BIRC5: variants seen among roughly 807,000 people sequenced by gnomAD.
The protein encoded by BIRC5 is baculoviral IAP repeat-containing protein 5.
BIRC5 carries 8 observed loss-of-function variants against 15.8 expected under a neutral mutation model. The observed-to-expected ratio is 0.51, with a 90% CI of 0.30 to 0.91. The LOEUF is 0.91. Ranked by LOEUF, BIRC5 falls within the 40% of genes least tolerant of loss-of-function variation. The pLI is 0.07. For missense variants in BIRC5, 163 were observed against 178.6 expected (o/e 0.91, Z 0.50); for synonymous variants, 56 against 64.5 (o/e 0.87, Z 0.63).
intron 3 of BIRC5, among the ~76,000 whole-genome samples, chr17:78,220,854 G>A (rs1225437235): frequency 6.6e-6 from 1 of 152,116 alleles, no homozygotes; most frequent in Non-Finnish European, 1.5e-5. Flanking sequence ...CCAAGTAGCT[G>A]GGACCACAGG....
chr17:78,222,905 G>A (rs958936457), intron 3 of BIRC5: 24 of 1,535,384 alleles, frequency 1.6e-5, no homozygotes, highest in East Asian at 4.9e-5. Flanking sequence ...ATTTCTGTTC[G>A]AGGAAGAGCC....
chr17:78,219,777 C>A (rs2145897985), intron 3 of BIRC5, among the ~76,000 whole-genome samples: 1 of 152,236 alleles, frequency 6.6e-6, no homozygotes, highest in Non-Finnish European at 1.5e-5. Context: ...CATTCTTAGC[C>A]CGTGGGCTGG....
chr17:78,215,978 G>A (rs752796895), intron 2 of BIRC5: 9 of 1,064,252 alleles, frequency 8.5e-6, no homozygotes, highest in East Asian at 7.8e-5. Flanking sequence ...GGCCGGGCAC[G>A]GTGGCTTACG....
At position 78,214,721 on chromosome 17, in the gene BIRC5, G is replaced by A; in HGVS notation, c.153G>A (p.Glu51=). 6.2e-7 allele frequency: 1 copy of A among 1,611,904 alleles called. No individual in the cohort carries two copies. The highest frequency in any genetic ancestry group is 8.5e-7 in the Non-Finnish European group (1 of 1,179,208). ...TCATCCACTGCCCCACTGAGAACGA[G>A]CCAGACTTGGCCCAGTGTTTCTTCT... is the stretch of plus-strand genomic sequence containing the variant. ...AGFIHCPTEN[E]PDLAQCFFCF... Residue 51 remains glutamate, a synonymous_variant, in exon 2 of 4, where the codon GAG becomes GAA. Transcript: ENST00000350051.
rs1258225767 is a variant in BIRC5, at chr17:78,225,014, C to T, written c.*1460C>T. On this transcript the variant is annotated 3_prime_UTR_variant, in exon 4 of 4. Coordinates refer to ENST00000350051, the MANE Select transcript of BIRC5 (RefSeq NM_001168.3). Reference sequence around the variant, plus strand: ...GTTTTTGTTAGCAGAAAATGCACTCCAGCCTCTGTACTCATCTAAGCTGCT... The same window carrying T: ...GTTTTTGTTAGCAGAAAATGCACTCTAGCCTCTGTACTCATCTAAGCTGCT... The T allele has an allele frequency of 1.3e-5, 2 of 152,238 alleles. No individual in the cohort carries two copies. The highest frequency in any genetic ancestry group is 2.4e-5 in the African/African-American group (1 of 41,454). 9.4% of individuals were successfully genotyped at this position (152,238 alleles called of 1,614,324 possible).
chr17:78,218,898 C>T (rs939085747), intron 3 of BIRC5, among the ~76,000 whole-genome samples: 2 of 152,082 alleles, frequency 1.3e-5, no homozygotes, highest in African/African-American at 2.4e-5. Flanking sequence ...TGATCTACTG[C>T]ACCAGGCCTG....
At chr17:78,216,820 A>G (rs748183625) in intron 3 of BIRC5, 39 bp downstream of exon 3, 3 of 1,509,100 alleles carry the variant, frequency 2.0e-6, no homozygotes, top group African/African-American at 1.4e-5. Flanking sequence ...ACCCTGTTCA[A>G]TGTCTTTAGC....
intron 2 of BIRC5, among the ~76,000 whole-genome samples, chr17:78,215,456 A>G (rs2076471383): frequency 6.6e-6 from 1 of 152,016 alleles, no homozygotes; most frequent in Admixed American, 6.6e-5. Context: ...AAGAAAGCAT[A>G]TACTTCAGTG....
chr17:78,216,643 CTGT>C lies in BIRC5; in HGVS notation c.222-16_222-14del, dbSNP rs1567863721. 1 of 1,609,724 alleles carries C rather than the reference CTGT, an allele frequency of 6.2e-7. No individual in the cohort carries two copies. On this transcript the variant is annotated intron_variant, in intron 2 of 3. Coordinates refer to ENST00000350051, the MANE Select transcript of BIRC5 (RefSeq NM_001168.3). ...TTTAATCCCTTCAGCTGCCTTTCCG[CTGT>C]TGTTTTGATTTTTCTAGAGAGGAAC...
rs184246570 is a variant in BIRC5 at position 78,219,646 on chromosome 17, G to A, written c.339+2865G>A. On this transcript the variant is annotated intron_variant, in intron 3 of 3. Transcript: ENST00000350051. ...TGGGCTGGGGATCATCTTTTTCCAG[G>A]TCAGGGGTCAGCCAGCTTTTCTGCA... Among the ~76,000 whole-genome samples, 611 of 152,316 alleles carry A rather than the reference G, an allele frequency of 4.0e-3. 2 individuals carry two copies. The highest frequency in any genetic ancestry group is 6.8e-3 in the Non-Finnish European group (462 of 68,026).
chr17:78,214,656 C>A lies in BIRC5; in HGVS notation c.112-24C>A, dbSNP rs765848428. The A allele has an allele frequency of 3.8e-6, 6 of 1,566,674 alleles. No individual in the cohort carries two copies. In the East Asian group the frequency reaches 1.4e-4, roughly 37 times the overall value. On this transcript the variant is annotated intron_variant, in intron 1 of 3. Coordinates refer to ENST00000350051, the MANE Select transcript of BIRC5 (RefSeq NM_001168.3). The stretch of plus-strand genomic sequence containing the variant: ...GGGGTTCCGGGCTGCCACGTCCACT[C>A]ACGAGCTGTGCTGTCCCTTGCAGAT...
intron 2 of BIRC5, among the ~76,000 whole-genome samples, chr17:78,215,792 A>C (rs1243636500): frequency 6.6e-6 from 1 of 152,228 alleles, no homozygotes; most frequent in African/African-American, 2.4e-5. Context: ...TAGAGTTACA[A>C]CTGGCTGTCT....
At position 78,214,707 on chromosome 17, in the gene BIRC5, C is replaced by G; in HGVS notation, c.139C>G (p.Pro47Ala). The G allele has an allele frequency of 1.2e-6, 2 of 1,610,222 alleles. No individual in the cohort carries two copies. Among genetic ancestry groups the G allele is most frequent in the Non-Finnish European group, 1.7e-6 (2 of 1,178,592 alleles). Residue 47 changes from proline to alanine, a missense_variant, in exon 2 of 4, where the codon CCC becomes GCC. Physicochemically the swap from Pro to Ala is conservative, Grantham distance 27. Transcript: ENST00000350051. ...GGCCGAGGCTGGCTTCATCCACTGC[C>G]CCACTGAGAACGAGCCAGACTTGGC... ...RMAEAGFIHC[P>A]TENEPDLAQC...
Position 78,217,227 on chromosome 17 carries a change from G to A in BIRC5, c.339+446G>A, listed in dbSNP as rs533474169. Among the ~76,000 whole-genome samples the A allele has an allele frequency of 1.4e-4, 21 of 151,112 alleles. No individual in the cohort carries two copies. The East Asian group carries it at 3.5e-3, about 25-fold the overall frequency. On this transcript the variant is annotated intron_variant, in intron 3 of 3. Coordinates refer to ENST00000350051, the MANE Select transcript of BIRC5 (RefSeq NM_001168.3). ...GTTTCACTCTGTTACCCAGGCTGGA[G>A]TGGGGTGGCCTGATCTCGGATCACT... is the stretch of plus-strand genomic sequence containing the variant.
chr17:78,214,663 T>G lies in BIRC5; in HGVS notation c.112-17T>G. The G allele has an allele frequency of 6.3e-7, 1 of 1,578,470 alleles. No homozygotes were observed. The highest frequency in any genetic ancestry group is 8.6e-7 in the Non-Finnish European group (1 of 1,161,004). On this transcript the variant is annotated splice_polypyrimidine_tract_variant and intron_variant, in intron 1 of 3. Coordinates refer to ENST00000350051, the MANE Select transcript of BIRC5 (RefSeq NM_001168.3). ...CGGGCTGCCACGTCCACTCACGAGC[T>G]GTGCTGTCCCTTGCAGATGGCCGAG...
chr17:78,220,981 T>C (rs1344621121), intron 3 of BIRC5, among the ~76,000 whole-genome samples: 2 of 152,188 alleles, frequency 1.3e-5, no homozygotes, highest in Non-Finnish European at 2.9e-5. Flanking sequence ...CTTGCCAGGG[T>C]GCCAGGAGGG....
At chr17:78,222,844 C>T in intron 3 of BIRC5, 1 of 1,535,884 alleles carries the variant, frequency 6.5e-7, no homozygotes, top group Non-Finnish European at 8.7e-7. Context: ...GCTCTGTTAG[C>T]AGAATGAAAA....
At chr17:78,218,704 G>A (rs1599030351) in intron 3 of BIRC5, among the ~76,000 whole-genome samples, 1 of 150,974 alleles carries the variant, frequency 6.6e-6, no homozygotes, top group African/African-American at 2.4e-5. Context: ...CCGGGTTCAC[G>A]CCATTCTTCT....
intron 2 of BIRC5, chr17:78,215,132 A>G (rs1056953424): frequency 4.6e-6 from 1 of 217,914 alleles, no homozygotes; most frequent in South Asian, 5.1e-5. Context: ...TATAACCTAC[A>G]CAGCACAAAA....
Sources: gnomAD v4.1 joint callset for allele counts (sites outside exome capture counted in the v4.1 genomes callset) on GRCh38, gnomAD v4.1.1 for gene constraint, MANE v1.5 for transcripts, NCBI Gene and HGNC (gene_info 2026-07-23, HGNC 2026-07-21) for gene names.